Variants in SH3KBP1 observed in about 807,000 individuals in gnomAD.
SH3KBP1 encodes SH3 domain-containing kinase-binding protein 1.
SH3KBP1 carries 8 observed loss-of-function variants against 50.1 expected under a neutral mutation model. That is an observed-to-expected ratio of 0.16 (90% CI 0.09 to 0.29). The LOEUF (loss-of-function observed/expected upper bound fraction) is 0.29. Ranked by LOEUF, SH3KBP1 falls within the 10% of genes least tolerant of loss-of-function variation. The probability of loss-of-function intolerance (pLI) is 1.00; values close to 1 mark genes in which losing one functional copy is unlikely to be tolerated. For synonymous variants in SH3KBP1, 227 were observed against 218.6 expected, an observed-to-expected ratio of 1.04 and a Z score of -0.34; for missense variants, 377 against 535.2, an observed-to-expected ratio of 0.70 and a Z score of 2.92.
chrX:19,560,011 G>A (rs2065620326), intron 13 of SH3KBP1, among the ~76,000 whole-genome samples: 1 of 110,952 alleles, frequency 9.0e-6, no homozygotes, highest in African/African-American at 3.3e-5. Flanking sequence ...CATGAGCCAG[G>A]TGCAGTAGCA....
intron 9 of SH3KBP1, among the ~76,000 whole-genome samples, chrX:19,597,930 G>A (rs1396999995): frequency 8.9e-6 from 1 of 112,802 alleles, no homozygotes; most frequent in African/African-American, 3.2e-5. Context: ...GTTGTTTAGT[G>A]TAGCCACCTT....
chrX:19,621,125 AGT>A, intron 8 of SH3KBP1, among the ~76,000 whole-genome samples: 1 of 84,525 alleles, frequency 1.2e-5, no homozygotes, highest in Non-Finnish European at 2.1e-5. Context: ...CCCAGGCTGG[AGT>A]GCAGTGGCGC....
intron 3 of SH3KBP1, among the ~76,000 whole-genome samples, chrX:19,737,124 C>A (rs760125403): frequency 1.8e-5 from 2 of 110,718 alleles, no homozygotes; most frequent in South Asian, 7.8e-4. Flanking sequence ...GTTGCCCCGG[C>A]TGGTCTTGAA....
chrX:19,738,464 A>G (rs765455210), intron 3 of SH3KBP1, among the ~76,000 whole-genome samples: 2 of 110,191 alleles, frequency 1.8e-5, no homozygotes, highest in South Asian at 7.9e-4. Context: ...ACGTGGGCAC[A>G]CTAAGATCCA....
intron 12 of SH3KBP1, among the ~76,000 whole-genome samples, chrX:19,572,220 TTA>T (rs201231046): frequency 9.9e-6 from 1 of 101,110 alleles, no homozygotes; most frequent in African/African-American, 4.2e-5. Context: ...AGTACATATG[TTA>T]TATATAGTAC....
intron 12 of SH3KBP1, among the ~76,000 whole-genome samples, chrX:19,574,658 C>T (rs2066142678): frequency 8.9e-6 from 1 of 112,186 alleles, no homozygotes; most frequent in South Asian, 3.6e-4. Flanking sequence ...TCTCAAAGGC[C>T]CCACCTCTTA....
intron 2 of SH3KBP1, among the ~76,000 whole-genome samples, chrX:19,771,055 G>T (rs2065775964): frequency 8.9e-6 from 1 of 111,789 alleles, no homozygotes; most frequent in African/African-American, 3.3e-5. Context: ...CCCAGGGAAT[G>T]GGGGGTTGAG....
At chrX:19,859,427 C>A (rs1450799818) in intron 1 of SH3KBP1, among the ~76,000 whole-genome samples, 6 of 112,043 alleles carry the variant, frequency 5.4e-5, no homozygotes, top group Non-Finnish European at 7.5e-5. Context: ...GGACTACAGG[C>A]ATGAGCCACC....
At chrX:19,554,038 A>T (rs1340197290) in intron 13 of SH3KBP1, among the ~76,000 whole-genome samples, 1 of 61,999 alleles carries the variant, frequency 1.6e-5, no homozygotes, top group East Asian at 4.0e-4. Flanking sequence ...TATAATATAT[A>T]ATATATATTA....
intron 2 of SH3KBP1, among the ~76,000 whole-genome samples, chrX:19,777,574 G>C (rs186571834): frequency 3.3e-4 from 37 of 111,430 alleles, no homozygotes; most frequent in African/African-American, 1.1e-3. Flanking sequence ...ACTCTGAAGG[G>C]CCTGTCTAAA....
chrX:19,860,280 T>TAAAAAAA (rs35933756), intron 1 of SH3KBP1, among the ~76,000 whole-genome samples: 1 of 41,357 alleles, frequency 2.4e-5, no homozygotes, highest in Non-Finnish European at 4.2e-5. Context: ...ATCCCACCTC[T>TAAAAAAA]AAAAAAAAAA....
At chrX:19,820,581 C>T (rs1006180910) in intron 2 of SH3KBP1, among the ~76,000 whole-genome samples, 4 of 111,058 alleles carry the variant, frequency 3.6e-5, no homozygotes, top group African/African-American at 1.3e-4. Flanking sequence ...TTACTTCCAA[C>T]GTGCCTATAT....
At chrX:19,715,149 T>C (rs1462804354) in intron 3 of SH3KBP1, among the ~76,000 whole-genome samples, 2 of 109,000 alleles carry the variant, frequency 1.8e-5, no homozygotes, top group Non-Finnish European at 3.8e-5. Context: ...AGCATGTGCT[T>C]GTGGTCCCAG....
At chrX:19,683,346 C>G (rs1350146670) in intron 6 of SH3KBP1, 3 of 368,491 alleles carry the variant, frequency 8.1e-6, no homozygotes, top group Non-Finnish European at 1.6e-5. Flanking sequence ...GACTTCCTTT[C>G]AACAGTCTGA....
rs772209984 is a variant in SH3KBP1 at position 19,732,261 on chromosome X, TTC to T, written c.286+14055_286+14056del. Among the ~76,000 whole-genome samples the T allele has an allele frequency of 9.9e-5, 11 of 111,419 alleles. No individual in the cohort carries two copies. In the South Asian group the frequency reaches 4.1e-3, roughly 42 times the overall value. ...TCTTTGTAGTGAAAACTTCAAAATC[TTC>T]TGTTTATTTTGAAATATACAATATA... On this transcript the variant is annotated intron_variant, in intron 3 of 17. Transcript: ENST00000397821.
At chrX:19,775,256 C>A (rs2065938747) in intron 2 of SH3KBP1, among the ~76,000 whole-genome samples, 1 of 111,894 alleles carries the variant, frequency 8.9e-6, no homozygotes, top group Middle Eastern at 4.6e-3. Flanking sequence ...ACACCAATGT[C>A]AAAAGCTCCA....
intron 13 of SH3KBP1, among the ~76,000 whole-genome samples, chrX:19,556,586 C>T (rs2065498041): frequency 8.9e-6 from 1 of 112,021 alleles, no homozygotes; most frequent in African/African-American, 3.2e-5. Context: ...TATAGGAGAT[C>T]AGCTGTTGTG....
chrX:19,714,080 C>A (rs1603086767), intron 3 of SH3KBP1, among the ~76,000 whole-genome samples: 1 of 111,694 alleles, frequency 9.0e-6, no homozygotes, highest in Admixed American at 9.5e-5. Flanking sequence ...GTGAAATAAG[C>A]CAGGCACCGA....
chrX:19,722,569 GGTGTGTGTGTGTGTGTGT>G (rs55675573), intron 3 of SH3KBP1, among the ~76,000 whole-genome samples: 60 of 84,240 alleles, frequency 7.1e-4, no homozygotes, highest in African/African-American at 1.0e-3. Flanking sequence ...CGTGCGCACT[GGTGTGTGTGTGTGTGTGT>G]GTGTGTGTGT....
Sources: gnomAD v4.1 joint callset for allele counts (sites outside exome capture counted in the v4.1 genomes callset) on GRCh38, gnomAD v4.1.1 for gene constraint, MANE v1.5 for transcripts, NCBI Gene and HGNC (gene_info 2026-07-23, HGNC 2026-07-21) for gene names.